BMAL2: variants seen among roughly 807,000 people sequenced by gnomAD.
BMAL2 encodes basic helix-loop-helix ARNT-like protein 2.
chr12:27,369,308 T>A, the BMAL2 span, among the ~76,000 whole-genome samples: 7 of 143,318 alleles, frequency 4.9e-5, no homozygotes, highest in East Asian at 1.2e-3. Context: ...GTGGGGGGGG[T>A]GGTATTCAGC....
the BMAL2 span, among the ~76,000 whole-genome samples, chr12:27,416,649 A>C: frequency 6.6e-6 from 1 of 152,186 alleles, no homozygotes; most frequent in South Asian, 2.1e-4. Flanking sequence ...CCAGGGACAG[A>C]CAGAAACTTG....
chr12:27,402,150 T>G, the BMAL2 span, among the ~76,000 whole-genome samples: 1 of 152,228 alleles, frequency 6.6e-6, no homozygotes, highest in African/African-American at 2.4e-5. Flanking sequence ...TGTGTCAGCC[T>G]GAAGGAAGAG....
the BMAL2 span, among the ~76,000 whole-genome samples, chr12:27,366,619 T>C: frequency 1.3e-5 from 2 of 152,042 alleles, no homozygotes; most frequent in African/African-American, 4.8e-5. Flanking sequence ...TAAACCTCAC[T>C]TGAGACAAAA....
chr12:27,370,772 A>T, the BMAL2 span, among the ~76,000 whole-genome samples: 1 of 152,048 alleles, frequency 6.6e-6, no homozygotes, highest in Non-Finnish European at 1.5e-5. Context: ...CACCCGGCTA[A>T]TTTTTGTATT....
At chr12:27,424,752 C>T in the BMAL2 span, 1 of 152,170 alleles carries the variant, frequency 6.6e-6, no homozygotes, top group Non-Finnish European at 1.5e-5. Flanking sequence ...GCAGACAGGC[C>T]GACATCTATG....
chr12:27,390,181 G>A, the BMAL2 span: 3 of 1,613,972 alleles, frequency 1.9e-6, no homozygotes, highest in Non-Finnish European at 2.5e-6. Flanking sequence ...GTCGGATAAA[G>A]AGTTGTAAAA....
At chr12:27,369,799 G>A in the BMAL2 span, among the ~76,000 whole-genome samples, 2 of 152,182 alleles carry the variant, frequency 1.3e-5, no homozygotes, top group Non-Finnish European at 2.9e-5. Flanking sequence ...AATGGAAAGT[G>A]GAGTCAGTGC....
chr12:27,392,941 C>T, the BMAL2 span, among the ~76,000 whole-genome samples: 2 of 152,062 alleles, frequency 1.3e-5, no homozygotes, highest in African/African-American at 4.8e-5. Context: ...GCCCCCTACC[C>T]CATCATCTTG....
the BMAL2 span, among the ~76,000 whole-genome samples, chr12:27,420,019 G>GCGCACGCACACACACA: frequency 3.4e-5 from 5 of 147,570 alleles, no homozygotes; most frequent in East Asian, 6.0e-4. Flanking sequence ...GTTTGCGCGT[G>GCGCACGCACACACACA]CACACACACA....
chr12:27,335,123 A>C, the BMAL2 span, among the ~76,000 whole-genome samples: 3 of 152,246 alleles, frequency 2.0e-5, no homozygotes, highest in Admixed American at 1.3e-4. Flanking sequence ...ATTTCTCCCT[A>C]TTCCCAGAGG....
At chr12:27,339,972 G>A in the BMAL2 span, among the ~76,000 whole-genome samples, 6 of 151,716 alleles carry the variant, frequency 4.0e-5, no homozygotes, top group East Asian at 1.2e-3. Context: ...GTAAATTTAA[G>A]TTTCTGATAG....
At chr12:27,354,808 C>T in the BMAL2 span, among the ~76,000 whole-genome samples, 1 of 152,154 alleles carries the variant, frequency 6.6e-6, no homozygotes, top group Non-Finnish European at 1.5e-5. Context: ...TCAACCTGTA[C>T]CAGTTTTCCT....
the BMAL2 span, among the ~76,000 whole-genome samples, chr12:27,347,412 A>G: frequency 1.3e-5 from 2 of 152,212 alleles, no homozygotes; most frequent in Non-Finnish European, 2.9e-5. Context: ...TCCAGGATAC[A>G]CAGGAGGATC....
chr12:27,350,994 C>CCCCCCT, the BMAL2 span, among the ~76,000 whole-genome samples: 97 of 94,280 alleles, frequency 1.0e-3, no homozygotes, highest in Non-Finnish European at 1.2e-3. Flanking sequence ...CCCACCCCCC[C>CCCCCCT]TTTTTTTTTT....
the BMAL2 span, among the ~76,000 whole-genome samples, chr12:27,417,302 G>A: frequency 9.2e-5 from 14 of 152,250 alleles, no homozygotes; most frequent in African/African-American, 3.1e-4. Flanking sequence ...CCACTCCAAA[G>A]CAATATTTCC....
the BMAL2 span, among the ~76,000 whole-genome samples, chr12:27,396,437 T>C: frequency 6.6e-6 from 1 of 152,224 alleles, no homozygotes; most frequent in African/African-American, 2.4e-5. Flanking sequence ...TTTTAGAAGG[T>C]TGTGTAATTT....
chr12:27,398,689 A>G, the BMAL2 span, among the ~76,000 whole-genome samples: 434 of 152,364 alleles, frequency 2.8e-3, 4 homozygotes, highest in African/African-American at 9.6e-3. Flanking sequence ...ATTTGGAAAT[A>G]TAGATAGTAA....
chr12:27,414,011 C>T, the BMAL2 span, among the ~76,000 whole-genome samples: 2 of 151,868 alleles, frequency 1.3e-5, no homozygotes, highest in Non-Finnish European at 2.9e-5. Context: ...CCACTGCACT[C>T]CAGCATGGGC....
chr12:27,344,115 A>G, the BMAL2 span, among the ~76,000 whole-genome samples: 1 of 152,220 alleles, frequency 6.6e-6, no homozygotes, highest in Admixed American at 6.5e-5. Context: ...TCAGATGAGG[A>G]AACTGAGGCA....
Sources: allele counts gnomAD v4.1 joint callset (sites outside exome capture counted in the v4.1 genomes callset), GRCh38; gene constraint gnomAD v4.1.1; transcripts MANE v1.5; gene names NCBI Gene and HGNC (gene_info 2026-07-23, HGNC 2026-07-21).